TMEM132D: variants seen among roughly 807,000 people sequenced by gnomAD.
The protein encoded by TMEM132D is mature OL transmembrane protein.
Under a neutral mutation model 62.3 loss-of-function variants are expected in TMEM132D, and 21 were observed. The observed-to-expected ratio is 0.34, with a 90% CI of 0.24 to 0.49. The LOEUF is 0.49. TMEM132D is among the 20% of genes least tolerant of loss of function. The pLI is 0.99. For missense variants in TMEM132D, 1,346 were observed against 1,402.8 expected, an observed-to-expected ratio of 0.96 and a Z score of 0.65; for synonymous variants, 621 against 575.6, an observed-to-expected ratio of 1.08 and a Z score of -1.13.
chr12:129,754,042 A>G (rs905863306), intron 1 of TMEM132D, among the ~76,000 whole-genome samples: 4 of 152,200 alleles, frequency 2.6e-5, no homozygotes, highest in Admixed American at 1.3e-4. Flanking sequence ...ATCCAGCCCT[A>G]TGCAATAGAT....
intron 3 of TMEM132D, among the ~76,000 whole-genome samples, chr12:129,453,941 C>A (rs1453896748): frequency 1.3e-5 from 2 of 152,164 alleles, no homozygotes; most frequent in African/African-American, 4.8e-5. Context: ...ATCCCTTAAC[C>A]AGATGAACTG....
chr12:129,781,535 T>C (rs1007235121), intron 1 of TMEM132D, among the ~76,000 whole-genome samples: 2 of 152,234 alleles, frequency 1.3e-5, no homozygotes, highest in Non-Finnish European at 2.9e-5. Flanking sequence ...CTGTTCTTTT[T>C]TCCCCCTCAT....
At chr12:129,775,405 G>T (rs1203582641) in intron 1 of TMEM132D, among the ~76,000 whole-genome samples, 1 of 152,104 alleles carries the variant, frequency 6.6e-6, no homozygotes, top group East Asian at 1.9e-4. Flanking sequence ...CCAGAACCAG[G>T]CATGGGAGAG....
intron 8 of TMEM132D, among the ~76,000 whole-genome samples, chr12:129,076,383 A>G (rs540070128): frequency 4.0e-4 from 61 of 151,938 alleles, no homozygotes; most frequent in African/African-American, 1.4e-3. Flanking sequence ...ATCCTTTGTT[A>G]TTTAAGCTTT....
At chr12:129,533,763 T>C (rs4759585) in intron 2 of TMEM132D, among the ~76,000 whole-genome samples, 31,305 of 152,156 alleles carry the variant, frequency 0.21, 3,511 homozygotes, top group Non-Finnish European at 0.25. Flanking sequence ...GCAAAAATGT[T>C]TTTTCCTGGA....
Position 129,084,904 on chromosome 12 carries a change from GCTCT to G in TMEM132D, c.1444-206_1444-203del, listed in dbSNP as rs748865103. 5.1e-4 allele frequency: 295 copies of G among 576,140 alleles called. 2 individuals are homozygous for G. The South Asian group carries it at 5.4e-3, about 11-fold the overall frequency. The allele number at this position is 576,140 out of a possible 1,614,324, so 35.7% of individuals were successfully genotyped here. ...AATAGCAGACGCTGTTATGAAAGGT[GCTCT>G]CTGAGTACCCAGGCTTCCTGGGGTC... On this transcript the variant is annotated intron_variant, in intron 5 of 8. Transcript: ENST00000422113.
intron 1 of TMEM132D, among the ~76,000 whole-genome samples, chr12:129,833,230 A>T (rs1033708564): frequency 6.6e-6 from 1 of 152,210 alleles, no homozygotes; most frequent in African/African-American, 2.4e-5. Flanking sequence ...GCAGGCCTCA[A>T]GTAAGCTACA....
chr12:129,829,259 TAGAG>T (rs1872757860), intron 1 of TMEM132D, among the ~76,000 whole-genome samples: 1 of 152,102 alleles, frequency 6.6e-6, no homozygotes, highest in Non-Finnish European at 1.5e-5. Context: ...GTGGTTATTA[TAGAG>T]TTCAGTGGCT....
At chr12:129,262,834 TAAC>T (rs1231509419) in intron 4 of TMEM132D, 4 of 152,180 alleles carry the variant, frequency 2.6e-5, no homozygotes, top group South Asian at 2.1e-4. Context: ...GGACAAAGGA[TAAC>T]AACAACTCAT....
At chr12:129,182,620 C>T (rs1291510533) in intron 5 of TMEM132D, among the ~76,000 whole-genome samples, 2 of 152,144 alleles carry the variant, frequency 1.3e-5, no homozygotes, top group African/African-American at 4.8e-5. Context: ...CAAGTCCCAC[C>T]CATCTGATGG....
rs112314810 is a variant in TMEM132D at position 129,436,139 on chromosome 12, G to C, written c.1115+94920C>G. On this transcript the variant is annotated intron_variant, in intron 3 of 8. Coordinates refer to ENST00000422113, the MANE Select transcript of TMEM132D (RefSeq NM_133448.3). Reference sequence around the variant, plus strand: ...TGAGGGCACGTGGATGAGAATCTCAGCCTAAATCTGGCAGAGGAAAAAGCC... The same window carrying C: ...TGAGGGCACGTGGATGAGAATCTCACCCTAAATCTGGCAGAGGAAAAAGCC... 2.7e-3 allele frequency among the ~76,000 whole-genome samples: 406 copies of C among 152,272 alleles called. 1 individual carries two copies. The highest frequency in any genetic ancestry group is 9.4e-3 in the African/African-American group (392 of 41,550).
chr12:129,640,157 C>T (rs1879605580), intron 2 of TMEM132D, among the ~76,000 whole-genome samples: 1 of 152,158 alleles, frequency 6.6e-6, no homozygotes, highest in South Asian at 2.1e-4. Context: ...CCTACCATTT[C>T]TCCTTCACTT....
intron 1 of TMEM132D, among the ~76,000 whole-genome samples, chr12:129,730,880 C>A (rs1308683520): frequency 6.6e-6 from 1 of 152,090 alleles, no homozygotes; most frequent in Non-Finnish European, 1.5e-5. Context: ...CAACCACAGA[C>A]TGAAGGCTGT....
intron 4 of TMEM132D, among the ~76,000 whole-genome samples, chr12:129,251,140 C>G (rs1329515190): frequency 6.6e-6 from 1 of 151,820 alleles, no homozygotes; most frequent in Admixed American, 6.6e-5. Flanking sequence ...GGTGGGTTGC[C>G]TGAGCTCAGG....
At chr12:129,738,236 T>C (rs1180753419) in intron 1 of TMEM132D, among the ~76,000 whole-genome samples, 3 of 152,096 alleles carry the variant, frequency 2.0e-5, no homozygotes, top group Non-Finnish European at 4.4e-5. Context: ...GCATAATGAA[T>C]GGAATGAAAA....
intron 3 of TMEM132D, among the ~76,000 whole-genome samples, chr12:129,474,401 T>G (rs1874198607): frequency 6.6e-6 from 1 of 152,210 alleles, no homozygotes; most frequent in Non-Finnish European, 1.5e-5. Context: ...GATTCTCAGC[T>G]GAGGGTTGAA....
chr12:129,665,041 C>T (rs1412617816), intron 2 of TMEM132D, among the ~76,000 whole-genome samples: 1 of 152,146 alleles, frequency 6.6e-6, no homozygotes, highest in Non-Finnish European at 1.5e-5. Context: ...ACTACTACCA[C>T]ATTATTAACT....
chr12:129,691,609 TATTAA>T (rs1881062722), intron 2 of TMEM132D, among the ~76,000 whole-genome samples: 1 of 152,146 alleles, frequency 6.6e-6, no homozygotes, highest in African/African-American at 2.4e-5. Flanking sequence ...ATTGCTAAGA[TATTAA>T]ATTTCAAATG....
At chr12:129,146,658 C>A (rs1419873050) in intron 5 of TMEM132D, among the ~76,000 whole-genome samples, 2 of 152,166 alleles carry the variant, frequency 1.3e-5, no homozygotes, top group Non-Finnish European at 2.9e-5. Flanking sequence ...ATACTATGTT[C>A]CCATATGTTT....
Sources: allele counts gnomAD v4.1 joint callset (sites outside exome capture counted in the v4.1 genomes callset), GRCh38; gene constraint gnomAD v4.1.1; transcripts MANE v1.5; gene names NCBI Gene and HGNC (gene_info 2026-07-23, HGNC 2026-07-21).